Variants in GABRG3 observed in about 807,000 individuals in gnomAD.
GABRG3 encodes the protein gamma-aminobutyric acid receptor subunit gamma-3.
GABRG3 carries 25 observed loss-of-function variants against 48.8 expected under a neutral mutation model. The ratio of observed to expected loss-of-function variants is 0.51; its 90% CI spans 0.37 to 0.72. The LOEUF (loss-of-function observed/expected upper bound fraction) is 0.72. Ranked by LOEUF, GABRG3 falls within the 30% of genes least tolerant of loss-of-function variation. GABRG3 has a pLI of 0.00. For synonymous variants in GABRG3, 227 were observed against 217.6 expected (o/e 1.04, Z -0.38); for missense variants, 394 against 577.9 (o/e 0.68, Z 3.26).
intron 3 of GABRG3, among the ~76,000 whole-genome samples, chr15:27,125,076 A>C (rs1897795988): frequency 6.6e-6 from 1 of 152,166 alleles, no homozygotes; most frequent in Non-Finnish European, 1.5e-5. Flanking sequence ...AAAACATTTT[A>C]ATTTAATTAT....
chr15:27,239,900 T>A (rs1039317856), intron 3 of GABRG3, among the ~76,000 whole-genome samples: 2 of 152,226 alleles, frequency 1.3e-5, no homozygotes, highest in Non-Finnish European at 2.9e-5. Context: ...AAACCAGTAC[T>A]AATTTATATG....
intron 5 of GABRG3, among the ~76,000 whole-genome samples, chr15:27,388,095 A>G (rs1340703719): frequency 1.5e-4 from 6 of 40,892 alleles, no homozygotes; most frequent in African/African-American, 3.2e-4. Context: ...AGGAGGGAGG[A>G]AAGGGAGGGA....
At chr15:27,491,402 A>G (rs1019158713) in intron 6 of GABRG3, among the ~76,000 whole-genome samples, 4 of 152,218 alleles carry the variant, frequency 2.6e-5, no homozygotes, top group African/African-American at 9.6e-5. Flanking sequence ...AGTCCTGGCT[A>G]GGGTTTTCCT....
chr15:27,252,003 C>T (rs1261145679), intron 3 of GABRG3, among the ~76,000 whole-genome samples: 1 of 152,196 alleles, frequency 6.6e-6, no homozygotes, highest in African/African-American at 2.4e-5. Context: ...ATGATGCATG[C>T]AGATTCAGTG....
chr15:27,209,018 G>T (rs1888977940), intron 3 of GABRG3, among the ~76,000 whole-genome samples: 1 of 152,216 alleles, frequency 6.6e-6, no homozygotes, highest in South Asian at 2.1e-4. Context: ...GGCGGACCTT[G>T]TTGCTGATGC....
chr15:27,247,927 C>T (rs536400196), intron 3 of GABRG3, among the ~76,000 whole-genome samples: 18 of 152,270 alleles, frequency 1.2e-4, no homozygotes, highest in African/African-American at 4.1e-4. Context: ...ATGGGAGCCA[C>T]AATTGAAGAT....
At chr15:27,082,518 G>C (rs1045516419) in intron 3 of GABRG3, among the ~76,000 whole-genome samples, 7 of 152,138 alleles carry the variant, frequency 4.6e-5, no homozygotes, top group African/African-American at 1.7e-4. Flanking sequence ...TCATGACAAG[G>C]GGTGCCCTGC....
chr15:27,011,137 G>A (rs1489062413), intron 2 of GABRG3, among the ~76,000 whole-genome samples: 1 of 152,174 alleles, frequency 6.6e-6, no homozygotes, highest in East Asian at 1.9e-4. Flanking sequence ...AAAGTGCTGG[G>A]ATTACAGGTG....
chr15:27,382,292 A>G (rs1895798641), intron 5 of GABRG3, among the ~76,000 whole-genome samples: 1 of 152,240 alleles, frequency 6.6e-6, no homozygotes, highest in Non-Finnish European at 1.5e-5. Context: ...TGTAAAATAT[A>G]CAGTCTACCA....
chr15:27,138,646 G>C (rs1898050500), intron 3 of GABRG3, among the ~76,000 whole-genome samples: 1 of 152,192 alleles, frequency 6.6e-6, no homozygotes, highest in Admixed American at 6.5e-5. Context: ...TCACCCTGAA[G>C]TGTTGGACGT....
At chr15:27,068,932 T>A (rs1013094699) in intron 3 of GABRG3, among the ~76,000 whole-genome samples, 1 of 152,228 alleles carries the variant, frequency 6.6e-6, no homozygotes, top group Non-Finnish European at 1.5e-5. Context: ...GGGTACCACA[T>A]GCCACTGTTT....
At chr15:27,205,413 T>C (rs764679494) in intron 3 of GABRG3, among the ~76,000 whole-genome samples, 1 of 152,128 alleles carries the variant, frequency 6.6e-6, no homozygotes, top group Non-Finnish European at 1.5e-5. Context: ...GCATACTTGA[T>C]TGTAGAGGAT....
At chr15:27,308,659 C>T (rs140881309) in intron 3 of GABRG3, among the ~76,000 whole-genome samples, 13,610 of 148,422 alleles carry the variant, frequency 0.092, 684 homozygotes, top group African/African-American at 0.12. Context: ...TATGTATAAA[C>T]ATATAATGTA....
At chr15:27,503,635 T>C (rs1323253352) in intron 6 of GABRG3, among the ~76,000 whole-genome samples, 1 of 152,210 alleles carries the variant, frequency 6.6e-6, no homozygotes, top group Non-Finnish European at 1.5e-5. Context: ...ATACCAAGAA[T>C]GTGTACTCTG....
intron 5 of GABRG3, among the ~76,000 whole-genome samples, chr15:27,379,341 A>G (rs2140562547): frequency 6.6e-6 from 1 of 152,334 alleles, no homozygotes; most frequent in Admixed American, 6.5e-5. Context: ...TTACAACAGT[A>G]TTACCAATTT....
chr15:27,435,061 C>G (rs1888569142), intron 5 of GABRG3, among the ~76,000 whole-genome samples: 1 of 152,118 alleles, frequency 6.6e-6, no homozygotes, highest in Non-Finnish European at 1.5e-5. Context: ...CTGGACCACT[C>G]TTCCCTTGAA....
At chr15:27,150,237 T>G (rs1898285671) in intron 3 of GABRG3, among the ~76,000 whole-genome samples, 2 of 152,170 alleles carry the variant, frequency 1.3e-5, no homozygotes. Flanking sequence ...GAGGAAAAAA[T>G]GTGAACCTGT....
intron 3 of GABRG3, among the ~76,000 whole-genome samples, chr15:27,079,197 C>CA (rs1309800974): frequency 2.0e-5 from 3 of 151,968 alleles, no homozygotes; most frequent in Non-Finnish European, 4.4e-5. Flanking sequence ...GAGACATGTC[C>CA]AGTGCTCAGG....
intron 3 of GABRG3, among the ~76,000 whole-genome samples, chr15:27,077,626 C>T (rs1896930521): frequency 6.6e-6 from 1 of 152,192 alleles, no homozygotes; most frequent in South Asian, 2.1e-4. Flanking sequence ...TCTTCCCCAT[C>T]ACTCTGTCGA....
Sources: gnomAD v4.1 joint callset for allele counts (sites outside exome capture counted in the v4.1 genomes callset) on GRCh38, gnomAD v4.1.1 for gene constraint, MANE v1.5 for transcripts, NCBI Gene and HGNC (gene_info 2026-07-23, HGNC 2026-07-21) for gene names.